Variants in ALK observed in about 807,000 individuals in gnomAD.
ALK encodes the protein ALK tyrosine kinase receptor.
Under a neutral mutation model 163.1 loss-of-function variants are expected in ALK, and 74 were observed. That is an observed-to-expected ratio of 0.45 (90% CI 0.38 to 0.55). ALK has a LOEUF of 0.55. ALK is among the 20% of genes least tolerant of loss of function. The probability of loss-of-function intolerance (pLI) is 0.00; values close to 1 mark genes in which losing one functional copy is unlikely to be tolerated. For missense variants in ALK, 2,063 were observed against 2,105.3 expected (o/e 0.98, Z 0.39); for synonymous variants, 960 against 843.2 (o/e 1.14, Z -2.40).
chr2:29,517,360 T>C (rs186453099), intron 4 of ALK, among the ~76,000 whole-genome samples: 2 of 152,232 alleles, frequency 1.3e-5, no homozygotes, highest in African/African-American at 4.8e-5. Flanking sequence ...ATCTAGTGGG[T>C]CATTATATCT....
intron 3 of ALK, among the ~76,000 whole-genome samples, chr2:29,549,428 T>C (rs1394178679): frequency 6.6e-6 from 1 of 152,182 alleles, no homozygotes; most frequent in Non-Finnish European, 1.5e-5. Flanking sequence ...CATGCAATCT[T>C]AGAACAACCC....
At chr2:29,750,437 A>T (rs575311091) in intron 1 of ALK, among the ~76,000 whole-genome samples, 37 of 151,882 alleles carry the variant, frequency 2.4e-4, no homozygotes, top group African/African-American at 8.7e-4. Context: ...CCAAGGTGGG[A>T]GGACTCCTTG....
chr2:29,637,709 C>CAAA (rs70958274), intron 3 of ALK, among the ~76,000 whole-genome samples: 1 of 112,404 alleles, frequency 8.9e-6, no homozygotes, highest in African/African-American at 4.3e-5. Context: ...ACTCCGTCTC[C>CAAA]AAAAAAAAAA....
At chr2:29,369,232 G>T (rs1668582939) in intron 5 of ALK, among the ~76,000 whole-genome samples, 1 of 152,092 alleles carries the variant, frequency 6.6e-6, no homozygotes, top group South Asian at 2.1e-4. Context: ...CCTCAGCCTT[G>T]CCCCTGAGGT....
At chr2:29,819,233 C>T (rs756089420) in intron 1 of ALK, among the ~76,000 whole-genome samples, 5 of 152,216 alleles carry the variant, frequency 3.3e-5, no homozygotes, top group Non-Finnish European at 7.3e-5. Flanking sequence ...AACTGAGAAA[C>T]ACTGTTTTAT....
chr2:29,831,603 A>G (rs959276026), intron 1 of ALK, among the ~76,000 whole-genome samples: 7 of 152,154 alleles, frequency 4.6e-5, no homozygotes, highest in African/African-American at 1.7e-4. Context: ...TATCATCACT[A>G]TAATTTACAA....
chr2:29,729,716 G>C (rs1679682519), intron 1 of ALK, among the ~76,000 whole-genome samples: 1 of 152,290 alleles, frequency 6.6e-6, no homozygotes, highest in South Asian at 2.1e-4. Context: ...GCTGGCAAGT[G>C]TGAAGGAATG....
intron 3 of ALK, among the ~76,000 whole-genome samples, chr2:29,602,095 G>A (rs1259732576): frequency 2.6e-5 from 4 of 152,178 alleles, no homozygotes; most frequent in African/African-American, 9.7e-5. Flanking sequence ...TGAGGCAACG[G>A]AAAGCTGAGC....
At chr2:29,251,059 T>G (rs770352707) in intron 12 of ALK, 46 bp downstream of exon 12, 2 of 1,598,438 alleles carry the variant, frequency 1.3e-6, no homozygotes, top group African/African-American at 1.3e-5. Flanking sequence ...CCAGGCTTCT[T>G]CGGAAGGGGT....
intron 1 of ALK, among the ~76,000 whole-genome samples, chr2:29,872,699 T>C (rs1666610980): frequency 6.6e-6 from 1 of 152,248 alleles, no homozygotes; most frequent in African/African-American, 2.4e-5. Context: ...TGACTACGTA[T>C]CACTTTTGCA....
At chr2:29,630,066 C>T (rs184255177) in intron 3 of ALK, among the ~76,000 whole-genome samples, 112 of 152,224 alleles carry the variant, frequency 7.4e-4, no homozygotes, top group African/African-American at 2.5e-3. Context: ...TGCCTTTCTT[C>T]GACACACAAT....
chr2:29,900,995 GAGCAAGCAAGCA>G (rs58490938), intron 1 of ALK, among the ~76,000 whole-genome samples: 2,643 of 148,696 alleles, frequency 0.018, 55 homozygotes, highest in African/African-American at 0.056. Context: ...GAGAGAGAGA[GAGCAAGCAAGCA>G]AGCAAGCAAG....
intron 4 of ALK, among the ~76,000 whole-genome samples, chr2:29,527,664 T>C (rs1403101386): frequency 1.3e-5 from 2 of 152,140 alleles, no homozygotes; most frequent in African/African-American, 4.8e-5. Context: ...TGTACCACCA[T>C]GCCTGGCTAA....
At chr2:29,458,690 T>G (rs1177617619) in intron 4 of ALK, among the ~76,000 whole-genome samples, 1 of 152,174 alleles carries the variant, frequency 6.6e-6, no homozygotes, top group Non-Finnish European at 1.5e-5. Flanking sequence ...TCACAGACAG[T>G]GACTGAACAA....
intron 4 of ALK, among the ~76,000 whole-genome samples, chr2:29,515,444 T>C (rs1672635275): frequency 6.6e-6 from 1 of 152,142 alleles, no homozygotes. Flanking sequence ...GGAATTCGTA[T>C]TGAAATAAGT....
chr2:29,700,233 G>A (rs1209378528), intron 2 of ALK, among the ~76,000 whole-genome samples: 1 of 152,148 alleles, frequency 6.6e-6, no homozygotes, highest in Admixed American at 6.5e-5. Context: ...GACTTGGTTT[G>A]CCTCCAGATT....
chr2:29,569,568 C>CAA (rs1674295542), intron 3 of ALK, among the ~76,000 whole-genome samples: 1 of 77,818 alleles, frequency 1.3e-5, no homozygotes, highest in Admixed American at 1.5e-4. Flanking sequence ...TTTCTTCCCC[C>CAA]CCCCTAGTGA....
intron 1 of ALK, among the ~76,000 whole-genome samples, chr2:29,829,806 A>G (rs1433629948): frequency 1.3e-5 from 2 of 152,108 alleles, no homozygotes; most frequent in Non-Finnish European, 2.9e-5. Context: ...GTATGTATCT[A>G]TTTCTCAGCC....
intron 4 of ALK, among the ~76,000 whole-genome samples, chr2:29,426,057 A>G (rs925822901): frequency 8.5e-5 from 13 of 152,206 alleles, no homozygotes; most frequent in South Asian, 2.1e-4. Context: ...AGCTTTGCCA[A>G]AAACAATGGA....
Sources: allele counts gnomAD v4.1 joint callset (sites outside exome capture counted in the v4.1 genomes callset), GRCh38; gene constraint gnomAD v4.1.1; transcripts MANE v1.5; gene names NCBI Gene and HGNC (gene_info 2026-07-23, HGNC 2026-07-21).